GGNBP2: variants seen among roughly 807,000 people sequenced by gnomAD.
GGNBP2 encodes the protein gametogenetin-binding protein 2.
A neutral mutation model predicts 85.9 loss-of-function variants in GGNBP2; 10 were observed. The ratio of observed to expected loss-of-function variants is 0.12; its 90% CI spans 0.07 to 0.20. The LOEUF (loss-of-function observed/expected upper bound fraction) is 0.20. GGNBP2 is among the 10% of genes least tolerant of loss of function. The probability of loss-of-function intolerance (pLI) is 1.00; values close to 1 mark genes in which losing one functional copy is unlikely to be tolerated. For missense variants in GGNBP2, 595 were observed against 857.8 expected, an observed-to-expected ratio of 0.69 and a Z score of 3.83; for synonymous variants, 287 against 285.7, an observed-to-expected ratio of 1.00 and a Z score of -0.05.
At chr17:36,560,946 A>G in intron 5 of GGNBP2, 75 bp downstream of exon 5, 1 of 789,328 alleles carries the variant, frequency 1.3e-6, no homozygotes. Flanking sequence ...TAAAAGAAAT[A>G]AACCCACTGT....
At chr17:36,545,423 G>T (rs1461703608) in intron 1 of GGNBP2, 196 bp from the exon 2 acceptor site, 3 of 340,122 alleles carry the variant, frequency 8.8e-6, no homozygotes, top group Non-Finnish European at 1.6e-5. Flanking sequence ...GGGCGGGCGG[G>T]AGAGAGGGAG....
chr17:36,557,357 G>A, intron 4 of GGNBP2, 21 bp downstream of exon 4: 1 of 1,592,626 alleles, frequency 6.3e-7, no homozygotes, highest in South Asian at 1.1e-5. Context: ...TCAATTAGGA[G>A]AAAATGGGTT....
At chr17:36,580,410 C>T (rs1429992242) in intron 8 of GGNBP2, among the ~76,000 whole-genome samples, 1 of 151,352 alleles carries the variant, frequency 6.6e-6, no homozygotes, top group Admixed American at 6.6e-5. Context: ...AGGGTTTCAC[C>T]ATGTTAGTTA....
intron 6 of GGNBP2, 79 bp from the exon 7 acceptor site, chr17:36,577,904 A>G (rs1178942530): frequency 9.2e-7 from 1 of 1,084,664 alleles, no homozygotes; most frequent in Admixed American, 1.8e-5. Context: ...AGAGAGTGCC[A>G]TCATCTAGTA....
In GGNBP2 at chr17:36,545,771, C is replaced by G. The variant is rs1204544728; in HGVS notation, c.47C>G (p.Pro16Arg). The G allele has an allele frequency of 6.3e-7, 1 of 1,583,702 alleles. No homozygotes were observed. The highest frequency in any genetic ancestry group is 8.6e-7 in the Non-Finnish European group (1 of 1,165,562). Residue 16 changes from proline to arginine, a missense_variant, in exon 2 of 14, where the codon CCC becomes CGC. Physicochemically the swap from Pro to Arg is moderately radical, Grantham distance 103 (BLOSUM62 -2). This residue lies in a region of GGNBP2 where 216 missense variants were observed against 293.4 expected (regional missense o/e 0.74). Coordinates refer to ENST00000613102, the MANE Select transcript of GGNBP2 (RefSeq NM_024835.5). ...TGCAGGGACGGGGAGGAGGAGTTCCCCTTCGAGAGGAGGCAGATTCCCCTC... is the reference window on the plus strand; with the variant it reads ...TGCAGGGACGGGGAGGAGGAGTTCCGCTTCGAGAGGAGGCAGATTCCCCTC... ...AVCRDGEEEF[P>R]FERRQIPLYI...
At chr17:36,545,996 G>A in intron 2 of GGNBP2, 179 bp downstream of exon 2, 3 of 547,584 alleles carry the variant, frequency 5.5e-6, no homozygotes, top group Non-Finnish European at 6.6e-6. Flanking sequence ...GGTAACCTCT[G>A]TCGGCCCCAA....
chr17:36,554,968 CT>C, intron 3 of GGNBP2, 68 bp downstream of exon 3: 1 of 972,114 alleles, frequency 1.0e-6, no homozygotes, highest in Non-Finnish European at 1.6e-6. Flanking sequence ...TAAAATTTAG[CT>C]GTATTAATTT....
intron 12 of GGNBP2, 136 bp downstream of exon 12, chr17:36,586,334 G>A (rs2074701607): frequency 9.2e-7 from 1 of 1,089,050 alleles, no homozygotes; most frequent in Admixed American, 2.8e-5. Context: ...AGTTCCATTG[G>A]GTGCTCATCG....
chr17:36,553,051 A>T (rs981754866), intron 2 of GGNBP2, among the ~76,000 whole-genome samples: 3 of 151,704 alleles, frequency 2.0e-5, no homozygotes, highest in African/African-American at 7.3e-5. Context: ...AGCTATTGAA[A>T]TGGAAGCATG....
intron 12 of GGNBP2, 200 bp downstream of exon 12, chr17:36,586,398 C>CT (rs2074702353): frequency 3.4e-6 from 2 of 583,586 alleles, no homozygotes; most frequent in South Asian, 4.7e-5. Context: ...TGCAACAGTC[C>CT]TTGTGAGTCA....
intron 8 of GGNBP2, 132 bp from the exon 9 acceptor site, chr17:36,581,212 G>A (rs1453813039): frequency 3.4e-6 from 2 of 580,210 alleles, no homozygotes; most frequent in Non-Finnish European, 6.0e-6. Flanking sequence ...GTGAACCCAG[G>A]AGGTGGAGCT....
chr17:36,576,553 C>CAAAAAAAAA (rs57856781), intron 6 of GGNBP2: 5 of 25,462 alleles, frequency 2.0e-4, no homozygotes, highest in East Asian at 1.4e-3. Context: ...GACTCTGTCT[C>CAAAAAAAAA]AAAAAAAAAA....
chr17:36,557,936 A>G (rs1365467944), intron 4 of GGNBP2, among the ~76,000 whole-genome samples: 1 of 151,390 alleles, frequency 6.6e-6, no homozygotes, highest in Non-Finnish European at 1.5e-5. Flanking sequence ...ACGTGGTGAA[A>G]CCCCATCTCT....
intron 6 of GGNBP2, among the ~76,000 whole-genome samples, chr17:36,571,414 G>T (rs771529995): frequency 1.3e-5 from 2 of 151,692 alleles, no homozygotes; most frequent in Non-Finnish European, 2.9e-5. Context: ...GCCGGGCTTG[G>T]TGGCGTGTGC....
intron 6 of GGNBP2, among the ~76,000 whole-genome samples, chr17:36,569,023 G>A (rs1011938222): frequency 2.0e-5 from 3 of 152,074 alleles, no homozygotes; most frequent in African/African-American, 7.2e-5. Context: ...GAAGTGCTGG[G>A]ATTACAGGTG....
chr17:36,555,665 C>T (rs1018670370), intron 3 of GGNBP2, among the ~76,000 whole-genome samples: 1 of 152,180 alleles, frequency 6.6e-6, no homozygotes, highest in African/African-American at 2.4e-5. Context: ...CACTGCACTC[C>T]AGCCTGGGCA....
chr17:36,552,539 T>G (rs894420702), intron 2 of GGNBP2, among the ~76,000 whole-genome samples: 1 of 77,470 alleles, frequency 1.3e-5, no homozygotes, highest in African/African-American at 2.8e-5. Context: ...AAAGTGCTTA[T>G]AACAATGTCT....
intron 6 of GGNBP2, among the ~76,000 whole-genome samples, chr17:36,576,133 G>A (rs1414612963): frequency 2.9e-5 from 4 of 135,800 alleles, no homozygotes; most frequent in Non-Finnish European, 6.2e-5. Flanking sequence ...GAGGTCAGAA[G>A]TTCAAGACCA....
At position 36,557,075 on chromosome 17, in the gene GGNBP2, T is replaced by C. The variant is rs775312495; in HGVS notation, c.175-8T>C. On this transcript the variant is annotated splice_region_variant and splice_polypyrimidine_tract_variant and intron_variant, in intron 3 of 13. Transcript: ENST00000613102. ...AGGACACTCTTTCATTTTCTTTCCC[T>C]CTTTCAGCGACATGGTATGCTTAAG... 5 of 1,613,804 alleles carry C rather than the reference T, an allele frequency of 3.1e-6. No homozygotes were observed. The South Asian group carries it at 5.5e-5, about 18-fold the overall frequency.
Sources: allele counts gnomAD v4.1 joint callset (sites outside exome capture counted in the v4.1 genomes callset), GRCh38; gene constraint gnomAD v4.1.1; regional missense constraint gnomAD v4.1.1; transcripts MANE v1.5; gene names NCBI Gene and HGNC (gene_info 2026-07-23, HGNC 2026-07-21).